GANC: variants seen among roughly 807,000 people sequenced by gnomAD.
The protein encoded by GANC is neutral alpha-glucosidase C.
In GANC, 117 loss-of-function variants were observed where a neutral mutation model predicts 124.2. The ratio of observed to expected loss-of-function variants is 0.94; its 90% CI spans 0.81 to 1.10. The LOEUF (loss-of-function observed/expected upper bound fraction) is 1.10. Among genes scored for constraint, GANC ranks in the 50% least tolerant of loss-of-function variants. GANC has a pLI of 0.00. For synonymous variants in GANC, 377 were observed against 376.8 expected, an observed-to-expected ratio of 1.00 and a Z score of -0.01; for missense variants, 1,140 against 1,095.0, an observed-to-expected ratio of 1.04 and a Z score of -0.58.
Position 42,273,300 on chromosome 15 carries a change from G to A in GANC, c.-1182G>A. 2 of 1,614,152 alleles carry A rather than the reference G, an allele frequency of 1.2e-6. No individual in the cohort carries two copies. Among genetic ancestry groups the A allele is most frequent in the Non-Finnish European group, 1.7e-6 (2 of 1,180,032 alleles). On this transcript the variant is annotated 5_prime_UTR_variant, in exon 1 of 24. Coordinates refer to ENST00000318010, the MANE Select transcript of GANC (RefSeq NM_198141.3). ...ATTTGGACCGGTCGGCAGCAGCTAC[G>A]GTTGCCGGTCCCGCACTGAAAAACG... is the stretch of plus-strand genomic sequence containing the variant.
At chr15:42,285,169 T>C (rs1021311282) in intron 3 of GANC, among the ~76,000 whole-genome samples, 2 of 152,194 alleles carry the variant, frequency 1.3e-5, no homozygotes, top group South Asian at 2.1e-4. Flanking sequence ...TCCAAACTTT[T>C]TGAAAGAGCA....
At chr15:42,280,800 A>G (rs2051724182) in intron 3 of GANC, 1 of 611,064 alleles carries the variant, frequency 1.6e-6, no homozygotes, top group African/African-American at 1.9e-5. Flanking sequence ...CCGAAATGAA[A>G]ATTCTCAACA....
At chr15:42,286,370 G>T (rs72718902) in intron 3 of GANC, among the ~76,000 whole-genome samples, 37,605 of 151,948 alleles carry the variant, frequency 0.25, 5,838 homozygotes, top group East Asian at 0.57. Flanking sequence ...AATAATAGAT[G>T]CCAAATAAAT....
intron 5 of GANC, among the ~76,000 whole-genome samples, chr15:42,294,956 G>A (rs1256711039): frequency 2.1e-5 from 3 of 146,166 alleles, no homozygotes; most frequent in Non-Finnish European, 3.0e-5. Flanking sequence ...TTGATCAGAT[G>A]GTTTGTGCAT....
intron 4 of GANC, 129 bp downstream of exon 4, chr15:42,287,947 A>G: frequency 3.3e-6 from 3 of 900,310 alleles, no homozygotes; most frequent in Non-Finnish European, 4.9e-6. Context: ...AGGTTGGTGT[A>G]AAAGTAATTG....
intron 2 of GANC, 118 bp downstream of exon 2, chr15:42,276,528 A>C (rs1413446249): frequency 1.8e-6 from 1 of 554,814 alleles, no homozygotes; most frequent in East Asian, 3.1e-5. Flanking sequence ...TTAATAATTA[A>C]GGAAATCATC....
chr15:42,308,421 C>G (rs767830971), intron 8 of GANC, 103 bp downstream of exon 8: 2 of 678,232 alleles, frequency 2.9e-6, no homozygotes, highest in Non-Finnish European at 5.3e-6. Context: ...TGTGCCAGGC[C>G]TTTTCCTCCT....
At position 42,352,888 on chromosome 15, in the gene GANC, A is replaced by G. The variant is rs926650294; in HGVS notation, c.*749A>G. 18 of 475,104 alleles carry G rather than the reference A, an allele frequency of 3.8e-5. No individual in the cohort carries two copies. The highest frequency in any genetic ancestry group is 4.7e-5 in the Non-Finnish European group (17 of 363,570). 29.4% of individuals were successfully genotyped at this position (475,104 alleles called of 1,614,324 possible). ...ACCCACCACTGGACTTCAGAAGTAG[A>G]ACTCATGACTGGGACTAGGATGAGG... On this transcript the variant is annotated 3_prime_UTR_variant, in exon 24 of 24. Coordinates refer to ENST00000318010, the MANE Select transcript of GANC (RefSeq NM_198141.3).
chr15:42,335,657 TAGAA>T (rs1023925989), intron 15 of GANC, among the ~76,000 whole-genome samples: 4 of 152,124 alleles, frequency 2.6e-5, no homozygotes, highest in Admixed American at 2.0e-4. Context: ...TGCATCCAGA[TAGAA>T]AGAGAGGAAG....
intron 10 of GANC, among the ~76,000 whole-genome samples, chr15:42,313,262 T>C (rs114042913): frequency 0.022 from 2,536 of 114,246 alleles, 74 homozygotes; most frequent in African/African-American, 0.072. Context: ...ATGGTTCAAC[T>C]ATATAAGAGC....
At chr15:42,275,578 G>T (rs2051662469) in intron 1 of GANC, among the ~76,000 whole-genome samples, 1 of 18,240 alleles carries the variant, frequency 5.5e-5, no homozygotes, top group Admixed American at 1.6e-3. Context: ...GAAAGCCGGT[G>T]TAATTTTTTT....
chr15:42,281,186 A>G, intron 3 of GANC: 1 of 681,424 alleles, frequency 1.5e-6, no homozygotes. Context: ...GATCTCAGGC[A>G]AATGTATGCA....
rs2052470936 is a variant in GANC, at chr15:42,353,065, A to T, written c.*926A>T. The T allele has an allele frequency of 2.2e-6, 2 of 930,110 alleles. No homozygotes were observed. The highest frequency in any genetic ancestry group is 2.6e-6 in the Non-Finnish European group (2 of 779,152). The allele number at this position is 930,110 out of a possible 1,614,324, so 57.6% of individuals were successfully genotyped here. Reference sequence around the variant, plus strand: ...CAAAATATTAAAATTTAAAATAAAGACAGGATTAGTATTACTGAGTTTTCC... The same window carrying T: ...CAAAATATTAAAATTTAAAATAAAGTCAGGATTAGTATTACTGAGTTTTCC... On this transcript the variant is annotated 3_prime_UTR_variant, in exon 24 of 24. Coordinates refer to ENST00000318010, the MANE Select transcript of GANC (RefSeq NM_198141.3).
chr15:42,351,348 CA>C lies in GANC; in HGVS notation c.2552del (p.His851LeufsTer14). 6.2e-7 allele frequency: 1 copy of C among 1,613,918 alleles called. No individual in the cohort carries two copies. The highest frequency in any genetic ancestry group is 1.7e-5 in the Admixed American group (1 of 60,002). On this transcript the variant is annotated frameshift_variant, in exon 23 of 24. Transcript: ENST00000318010. LOFTEE classifies it high-confidence loss of function. ...TTCCAGTTTTGCTGACCAGAGGGGT[CA>C]TTATCCCAGCAAGTGTGTGGTGGAG... ...LINSFADQRG[H>X]YPSKCVVEKI... is the part of the protein sequence containing the mutation.
intron 10 of GANC, among the ~76,000 whole-genome samples, chr15:42,318,089 TC>T (rs1021523405): frequency 2.0e-5 from 3 of 152,206 alleles, no homozygotes; most frequent in Non-Finnish European, 4.4e-5. Context: ...CCTGGAGACT[TC>T]CTTCCCTACC....
chr15:42,339,647 C>G, intron 16 of GANC, 22 bp from the exon 17 acceptor site: 2 of 1,607,228 alleles, frequency 1.2e-6, no homozygotes, highest in Non-Finnish European at 1.7e-6. Flanking sequence ...GGTTGCCTCA[C>G]TTGGCCTTCT....
intron 18 of GANC, among the ~76,000 whole-genome samples, chr15:42,341,640 T>G (rs1410422065): frequency 6.6e-6 from 1 of 152,010 alleles, no homozygotes. Flanking sequence ...CTTGGCTCAC[T>G]GCAACCTCTG....
rs995748012 is a variant in GANC, at chr15:42,334,379, C to G, written c.1741+3707C>G. 5.9e-5 allele frequency among the ~76,000 whole-genome samples: 9 copies of G among 152,286 alleles called. No individual in the cohort carries two copies. The East Asian group carries it at 1.7e-3, about 29-fold the overall frequency. ...GTTTCACCATGTTGGGCAGTCCGGTCTTAAACTCTTGACCTCAAGTGATCT... is the reference window on the plus strand; with the variant it reads ...GTTTCACCATGTTGGGCAGTCCGGTGTTAAACTCTTGACCTCAAGTGATCT... On this transcript the variant is annotated intron_variant, in intron 15 of 23. Coordinates refer to ENST00000318010, the MANE Select transcript of GANC (RefSeq NM_198141.3).
At chr15:42,285,127 A>G (rs1287717287) in intron 3 of GANC, among the ~76,000 whole-genome samples, 1 of 152,244 alleles carries the variant, frequency 6.6e-6, no homozygotes, top group East Asian at 1.9e-4. Context: ...ACAAATGTTT[A>G]CTGTTTTAGG....
Sources: gnomAD v4.1 joint callset for allele counts (sites outside exome capture counted in the v4.1 genomes callset) on GRCh38, gnomAD v4.1.1 for gene constraint, MANE v1.5 for transcripts, NCBI Gene and HGNC (gene_info 2026-07-23, HGNC 2026-07-21) for gene names.